Variants in PPP1R9A observed in about 807,000 individuals in gnomAD.
PPP1R9A encodes the protein neurabin-1.
PPP1R9A carries 59 observed loss-of-function variants against 141.9 expected under a neutral mutation model. The ratio of observed to expected loss-of-function variants is 0.42; its 90% CI spans 0.34 to 0.52. The LOEUF (loss-of-function observed/expected upper bound fraction) is 0.52. Among genes scored for constraint, PPP1R9A ranks in the 20% least tolerant of loss-of-function variants. The pLI, the probability that PPP1R9A is intolerant of heterozygous loss-of-function variation, is 0.10. For missense variants in PPP1R9A, 1,444 were observed against 1,611.9 expected (o/e 0.90, Z 1.78); for synonymous variants, 500 against 569.7 (o/e 0.88, Z 1.74).
At chr7:95,173,759 C>T (rs1310636335) in intron 5 of PPP1R9A, among the ~76,000 whole-genome samples, 1 of 151,966 alleles carries the variant, frequency 6.6e-6, no homozygotes, top group Non-Finnish European at 1.5e-5. Context: ...TACCATTAAA[C>T]ATGAAATGCT....
At chr7:95,155,772 G>A (rs1488792622) in intron 4 of PPP1R9A, 1 of 152,162 alleles carries the variant, frequency 6.6e-6, no homozygotes, top group African/African-American at 2.4e-5. Context: ...TTAGGAACTA[G>A]TTTCTTAAAG....
chr7:94,916,177 G>A (rs1418660903), intron 2 of PPP1R9A, among the ~76,000 whole-genome samples: 5 of 152,116 alleles, frequency 3.3e-5, no homozygotes, highest in African/African-American at 9.7e-5. Context: ...CTCATAAGTT[G>A]TTAGTTTATT....
chr7:95,014,831 T>C (rs1804874387), intron 2 of PPP1R9A, among the ~76,000 whole-genome samples: 1 of 152,102 alleles, frequency 6.6e-6, no homozygotes, highest in Non-Finnish European at 1.5e-5. Context: ...TACTGACTTA[T>C]TTATTTATAT....
chr7:95,042,289 A>G (rs982337663), intron 2 of PPP1R9A, among the ~76,000 whole-genome samples: 5 of 152,190 alleles, frequency 3.3e-5, no homozygotes, highest in African/African-American at 4.8e-5. Context: ...GTGCAGTGCA[A>G]TGGGTCTTTT....
intron 4 of PPP1R9A, among the ~76,000 whole-genome samples, chr7:95,151,770 C>G (rs1451020776): frequency 1.3e-5 from 2 of 151,246 alleles, no homozygotes; most frequent in East Asian, 1.9e-4. Context: ...AAATTTCCCA[C>G]TTAATTTTGT....
chr7:95,052,046 G>T (rs993289594), intron 2 of PPP1R9A, among the ~76,000 whole-genome samples: 1 of 151,930 alleles, frequency 6.6e-6, no homozygotes, highest in Non-Finnish European at 1.5e-5. Context: ...CGCCGAGTTG[G>T]CCAGGTTGGT....
At chr7:95,037,954 A>G (rs1808679874) in intron 2 of PPP1R9A, among the ~76,000 whole-genome samples, 2 of 151,140 alleles carry the variant, frequency 1.3e-5, no homozygotes, top group African/African-American at 4.9e-5. Context: ...ATAATTTAAA[A>G]AAAAAAAAAA....
chr7:94,964,176 T>C (rs992940628), intron 2 of PPP1R9A, among the ~76,000 whole-genome samples: 1 of 152,152 alleles, frequency 6.6e-6, no homozygotes, highest in African/African-American at 2.4e-5. Context: ...CCATATTTTA[T>C]TTATCCATTT....
Position 95,290,615 on chromosome 7 carries a change from A to G in PPP1R9A, c.*312A>G. On this transcript the variant is annotated 3_prime_UTR_variant, in exon 20 of 20. Transcript: ENST00000433360. ...TTGGGTGTGTTTTGTCACTTGGAGA[A>G]CTAGTGTGACCCCACCCAAGAGCAT... 3.2e-6 allele frequency: 1 copy of G among 307,752 alleles called. No individual in the cohort carries two copies. Among genetic ancestry groups the G allele is most frequent in the Non-Finnish European group, 6.2e-6 (1 of 161,132 alleles). 19.1% of individuals were successfully genotyped at this position (307,752 alleles called of 1,614,324 possible). A position where few individuals can be genotyped will look rare whatever the true frequency, so the allele number is the denominator to read the frequency against.
chr7:95,133,675 A>G (rs975450307), intron 4 of PPP1R9A, among the ~76,000 whole-genome samples: 4 of 151,828 alleles, frequency 2.6e-5, no homozygotes, highest in Admixed American at 1.3e-4. Context: ...GTCCAGGTGC[A>G]TTACATTTTA....
At chr7:95,151,536 A>C (rs931357757) in intron 4 of PPP1R9A, among the ~76,000 whole-genome samples, 1 of 152,222 alleles carries the variant, frequency 6.6e-6, no homozygotes, top group African/African-American at 2.4e-5. Flanking sequence ...ATGATACTAT[A>C]ATGGTGGATA....
At chr7:95,164,741 C>CTTTTTTTT (rs200177321) in intron 5 of PPP1R9A, among the ~76,000 whole-genome samples, 76 of 66,034 alleles carry the variant, frequency 1.2e-3, no homozygotes, top group Non-Finnish European at 1.4e-3. Context: ...CTTTTCTTTT[C>CTTTTTTTT]TTTTTTTTTT....
chr7:95,254,475 A>T (rs142608450), intron 12 of PPP1R9A, among the ~76,000 whole-genome samples: 15 of 152,052 alleles, frequency 9.9e-5, no homozygotes, highest in Non-Finnish European at 5.9e-5. Flanking sequence ...TCCATCACCA[A>T]CGTTTTGTAC....
chr7:95,190,971 C>T (rs184021592), intron 5 of PPP1R9A, among the ~76,000 whole-genome samples: 148 of 152,214 alleles, frequency 9.7e-4, no homozygotes, highest in African/African-American at 3.4e-3. Flanking sequence ...CCATTTTTGA[C>T]TAGTATATAA....
At chr7:95,132,174 A>G (rs771903374) in intron 4 of PPP1R9A, among the ~76,000 whole-genome samples, 3 of 152,016 alleles carry the variant, frequency 2.0e-5, no homozygotes, top group Non-Finnish European at 4.4e-5. Flanking sequence ...TGGATGTCTT[A>G]TTTCTTTCTC....
At chr7:95,161,615 T>C (rs1175966647) in intron 4 of PPP1R9A, among the ~76,000 whole-genome samples, 8 of 152,224 alleles carry the variant, frequency 5.3e-5, no homozygotes, top group Non-Finnish European at 1.0e-4. Context: ...GTTAAGTTTT[T>C]TACTTTGTAC....
At chr7:95,250,881 C>T (rs1048876439) in intron 10 of PPP1R9A, among the ~76,000 whole-genome samples, 5 of 151,996 alleles carry the variant, frequency 3.3e-5, no homozygotes, top group South Asian at 2.1e-4. Flanking sequence ...TCTTGGATCT[C>T]GGTGTAATGT....
At chr7:95,087,063 A>G (rs551313427) in intron 2 of PPP1R9A, among the ~76,000 whole-genome samples, 32 of 147,972 alleles carry the variant, frequency 2.2e-4, no homozygotes, top group African/African-American at 8.0e-4. Context: ...AAAAAAAAGA[A>G]AGAGAGAGAG....
intron 2 of PPP1R9A, among the ~76,000 whole-genome samples, chr7:94,952,381 C>T (rs1163788808): frequency 2.6e-5 from 4 of 152,116 alleles, no homozygotes; most frequent in Non-Finnish European, 4.4e-5. Flanking sequence ...GGTTCCAAGT[C>T]TTTGCTATTG....
Sources: allele counts gnomAD v4.1 joint callset (sites outside exome capture counted in the v4.1 genomes callset), GRCh38; gene constraint gnomAD v4.1.1; transcripts MANE v1.5; gene names NCBI Gene and HGNC (gene_info 2026-07-23, HGNC 2026-07-21).